The following TRAPPC9 variants were observed in gnomAD, a reference collection of about 807,000 sequenced individuals.
TRAPPC9 encodes trafficking protein particle complex subunit 9.
A neutral mutation model predicts 124.0 loss-of-function variants in TRAPPC9; 83 were observed. The observed-to-expected ratio is 0.67, with a 90% CI of 0.56 to 0.80. TRAPPC9 has a LOEUF of 0.80. Among genes scored for constraint, TRAPPC9 ranks in the 30% least tolerant of loss-of-function variants. TRAPPC9 has a pLI of 0.00. For missense variants in TRAPPC9, 1,302 were observed against 1,508.3 expected (o/e 0.86, Z 2.27); for synonymous variants, 638 against 617.5 (o/e 1.03, Z -0.49).
At chr8:140,060,904 A>T (rs1842569520) in intron 17 of TRAPPC9, among the ~76,000 whole-genome samples, 1 of 152,238 alleles carries the variant, frequency 6.6e-6, no homozygotes, top group Non-Finnish European at 1.5e-5. Flanking sequence ...CTGAATTCTT[A>T]GGCTCTCCAA....
At chr8:139,802,655 A>C (rs1823620805) in intron 21 of TRAPPC9, among the ~76,000 whole-genome samples, 1 of 152,226 alleles carries the variant, frequency 6.6e-6, no homozygotes, top group Non-Finnish European at 1.5e-5. Flanking sequence ...AAAGTTGAGT[A>C]ATACTCTCTT....
At chr8:140,191,980 A>G (rs1426277199) in intron 17 of TRAPPC9, among the ~76,000 whole-genome samples, 1 of 152,306 alleles carries the variant, frequency 6.6e-6, no homozygotes, top group African/African-American at 2.4e-5. Context: ...GAGAAGCATC[A>G]CTCAGGACTA....
rs185144313 is a variant in TRAPPC9 at position 139,911,476 on chromosome 8, G to A, written c.2811-1176C>T. Among the ~76,000 whole-genome samples, 468 of 152,234 alleles carry A rather than the reference G, an allele frequency of 3.1e-3. 2 individuals carry two copies. The highest frequency in any genetic ancestry group is 4.7e-3 in the Non-Finnish European group (321 of 68,004). On this transcript the variant is annotated intron_variant, in intron 19 of 22. Transcript: ENST00000438773. ...CCCAGCACTTTGGGAGGCCGAGGCC[G>A]GCAGAATCACTAGAGGTCAGGAGTT...
intron 15 of TRAPPC9, among the ~76,000 whole-genome samples, chr8:140,272,367 TGA>T (rs2064962831): frequency 2.0e-5 from 3 of 147,006 alleles, no homozygotes; most frequent in African/African-American, 7.9e-5. Context: ...GTGGTGGTAG[TGA>T]GGGTGGTGGT....
chr8:140,354,520 C>T (rs1341877812), intron 9 of TRAPPC9, among the ~76,000 whole-genome samples: 2 of 152,110 alleles, frequency 1.3e-5, no homozygotes, highest in African/African-American at 4.8e-5. Flanking sequence ...TTTGCAAATA[C>T]TGGAGGGTAC....
At chr8:140,124,071 G>A (rs2061037062) in intron 17 of TRAPPC9, among the ~76,000 whole-genome samples, 1 of 152,212 alleles carries the variant, frequency 6.6e-6, no homozygotes, top group Non-Finnish European at 1.5e-5. Context: ...GCCCCCAGCT[G>A]GTTATTTAAA....
chr8:139,995,805 A>G (rs1837926097), intron 18 of TRAPPC9, among the ~76,000 whole-genome samples: 2 of 149,574 alleles, frequency 1.3e-5, no homozygotes, highest in African/African-American at 5.0e-5. Flanking sequence ...TCCAAGAAGC[A>G]CCACAAATGC....
chr8:139,925,808 C>T (rs946419287), intron 19 of TRAPPC9, among the ~76,000 whole-genome samples: 7 of 145,776 alleles, frequency 4.8e-5, no homozygotes, highest in Non-Finnish European at 1.1e-4. Context: ...ACCCAGCACA[C>T]GCACACGCAC....
chr8:139,770,012 C>T (rs1259684467), intron 21 of TRAPPC9, among the ~76,000 whole-genome samples: 4 of 152,194 alleles, frequency 2.6e-5, no homozygotes, highest in African/African-American at 7.2e-5. Flanking sequence ...TTTTGCCACC[C>T]GCCAGTGGTG....
intron 17 of TRAPPC9, among the ~76,000 whole-genome samples, chr8:140,209,623 T>G (rs533836858): frequency 1.3e-5 from 2 of 152,234 alleles, no homozygotes; most frequent in Admixed American, 6.5e-5. Context: ...TGGGACAGAT[T>G]AGAAATAATT....
intron 19 of TRAPPC9, among the ~76,000 whole-genome samples, chr8:139,924,364 CGGCCACAT>C (rs1832683165): frequency 6.6e-6 from 1 of 152,154 alleles, no homozygotes; most frequent in Non-Finnish European, 1.5e-5. Context: ...GCACCTGACC[CGGCCACAT>C]GGAGCTGAAG....
intron 4 of TRAPPC9, among the ~76,000 whole-genome samples, chr8:140,430,560 C>T (rs888644769): frequency 6.6e-6 from 1 of 152,222 alleles, no homozygotes; most frequent in African/African-American, 2.4e-5. Flanking sequence ...TCTGCTGTGG[C>T]CCAGAGCCAC....
At chr8:140,027,647 T>C (rs1840233862) in intron 17 of TRAPPC9, among the ~76,000 whole-genome samples, 1 of 152,124 alleles carries the variant, frequency 6.6e-6, no homozygotes, top group Admixed American at 6.5e-5. Flanking sequence ...CACAGAAAAG[T>C]TGTATTACTC....
chr8:139,747,967 TGC>T (rs1819039496), intron 21 of TRAPPC9, among the ~76,000 whole-genome samples: 1 of 47,500 alleles, frequency 2.1e-5, no homozygotes, highest in East Asian at 5.9e-4. Flanking sequence ...GTGGGAGGTG[TGC>T]AGGGATCAGA....
chr8:140,275,619 A>G (rs1338718804), intron 15 of TRAPPC9, 39 bp downstream of exon 15: 8 of 1,602,988 alleles, frequency 5.0e-6, no homozygotes, highest in Non-Finnish European at 6.8e-6. Flanking sequence ...AGTAAACAAT[A>G]CAAACATTCC....
rs567765073 is a variant in TRAPPC9 at position 139,788,509 on chromosome 8, C to T, written c.3056-56307G>A. Among the ~76,000 whole-genome samples, 31 of 152,326 alleles carry T rather than the reference C, an allele frequency of 2.0e-4. No homozygotes were observed. Among genetic ancestry groups the T allele is most frequent in the Non-Finnish European group, 4.1e-4 (28 of 68,028 alleles). On this transcript the variant is annotated intron_variant, in intron 21 of 22. Coordinates refer to ENST00000438773, the MANE Select transcript of TRAPPC9 (RefSeq NM_001160372.4). The surrounding 1 kb of genome is among the most constrained non-coding windows in gnomAD (Gnocchi z 4.9). ...GCACCCTCCAGGCACAGCCAGCCAT[C>T]GGGCGGCCCATGGTCCTGGGGCATG...
chr8:140,364,603 G>C (rs1262336972), intron 8 of TRAPPC9, among the ~76,000 whole-genome samples: 1 of 151,396 alleles, frequency 6.6e-6, no homozygotes, highest in Non-Finnish European at 1.5e-5. Context: ...TTTTTTTCGA[G>C]ACGGAGTCTC....
chr8:140,401,531 G>A lies in TRAPPC9; in HGVS notation c.1009-3786C>T, dbSNP rs1252525613. Among the ~76,000 whole-genome samples the A allele has an allele frequency of 3.9e-5, 6 of 152,124 alleles. No individual in the cohort carries two copies. In the East Asian group the frequency reaches 7.7e-4, roughly 20 times the overall value. On this transcript the variant is annotated intron_variant, in intron 6 of 22. Coordinates refer to ENST00000438773, the MANE Select transcript of TRAPPC9 (RefSeq NM_001160372.4). ...CTCTTAAAACAGTTTCTATTGACGT[G>A]AGAATAAAAGTCATCACAAATTTTT...
chr8:140,022,420 C>A (rs1490478859), intron 18 of TRAPPC9, among the ~76,000 whole-genome samples: 5 of 152,346 alleles, frequency 3.3e-5, no homozygotes, highest in Non-Finnish European at 7.3e-5. Context: ...AGCGCTTCAG[C>A]TGACCACCTA....
Sources: gnomAD v4.1 joint callset for allele counts (sites outside exome capture counted in the v4.1 genomes callset) on GRCh38, gnomAD v4.1.1 for gene constraint, Gnocchi (gnomAD v3.1) non-coding constraint, MANE v1.5 for transcripts, NCBI Gene and HGNC (gene_info 2026-07-23, HGNC 2026-07-21) for gene names.